The following KIAA1671 variants were observed in gnomAD, a reference collection of about 807,000 sequenced individuals.
KIAA1671 encodes the protein KIAA1671.
In KIAA1671, 52 loss-of-function variants were observed where a neutral mutation model predicts 131.2. The observed-to-expected ratio is 0.40, with a 90% CI of 0.32 to 0.50. The LOEUF (loss-of-function observed/expected upper bound fraction) is 0.50, where lower values mean the gene tolerates loss of function less well. Ranked by LOEUF, KIAA1671 falls within the 20% of genes least tolerant of loss-of-function variation. KIAA1671 has a pLI of 0.73. For synonymous variants in KIAA1671, 1,003 were observed against 961.6 expected (o/e 1.04, Z -0.80); for missense variants, 2,360 against 2,364.2 (o/e 1.00, Z 0.04).
intron 1 of KIAA1671, among the ~76,000 whole-genome samples, chr22:25,020,475 T>G (rs1925605393): frequency 1.3e-5 from 2 of 152,202 alleles, no homozygotes; most frequent in South Asian, 4.1e-4. Flanking sequence ...TCAGGTGTTT[T>G]TTGCACACCG....
At chr22:25,068,920 C>T (rs1246471321) in intron 6 of KIAA1671, among the ~76,000 whole-genome samples, 1 of 152,172 alleles carries the variant, frequency 6.6e-6, no homozygotes, top group East Asian at 1.9e-4. Context: ...CTGTGAACAC[C>T]TCCCCCGCCT....
chr22:25,175,507 G>A (rs549068260), intron 8 of KIAA1671: 1 of 152,316 alleles, frequency 6.6e-6, no homozygotes, highest in East Asian at 1.9e-4. Flanking sequence ...TCTTGATTGG[G>A]GAACCCCATT....
intron 10 of KIAA1671, among the ~76,000 whole-genome samples, 163 bp downstream of exon 10, chr22:25,181,986 G>A (rs1021782710): frequency 2.0e-5 from 3 of 152,074 alleles, no homozygotes; most frequent in African/African-American, 7.2e-5. Flanking sequence ...GACCATCCTG[G>A]ATAACATGGT....
intron 6 of KIAA1671, among the ~76,000 whole-genome samples, chr22:25,093,806 C>CTT (rs1930226986): frequency 7.8e-6 from 1 of 128,526 alleles, no homozygotes; most frequent in Non-Finnish European, 1.6e-5. Flanking sequence ...CTCTCTCTCT[C>CTT]TCTCTGTCTC....
intron 6 of KIAA1671, among the ~76,000 whole-genome samples, chr22:25,109,022 G>A (rs1454471283): frequency 6.6e-6 from 1 of 152,138 alleles, no homozygotes; most frequent in Non-Finnish European, 1.5e-5. Context: ...TCACAACATG[G>A]CGGCTGGCTT....
intron 7 of KIAA1671, among the ~76,000 whole-genome samples, chr22:25,171,424 ATTATGGGTCAGCCACAGTG>A (rs1933844648): frequency 6.6e-6 from 1 of 151,586 alleles, no homozygotes; most frequent in South Asian, 2.1e-4. Context: ...ACAAAAAAAG[ATTATGGGTCAGCCACAGTG>A]GCTCACACCT....
intron 1 of KIAA1671, among the ~76,000 whole-genome samples, chr22:24,993,602 T>A (rs144437450): frequency 1.3e-5 from 2 of 152,334 alleles, no homozygotes; most frequent in African/African-American, 4.8e-5. Context: ...CACATGCTAC[T>A]GTCTTTGTCT....
chr22:24,994,832 T>G (rs1301835152), intron 1 of KIAA1671, among the ~76,000 whole-genome samples: 1 of 152,120 alleles, frequency 6.6e-6, no homozygotes, highest in Non-Finnish European at 1.5e-5. Flanking sequence ...AGAGCTGTTG[T>G]ATCCTGAGCA....
At chr22:24,994,539 T>C (rs1051963568) in intron 1 of KIAA1671, among the ~76,000 whole-genome samples, 3 of 152,136 alleles carry the variant, frequency 2.0e-5, no homozygotes, top group African/African-American at 7.2e-5. Flanking sequence ...CAACAGTGTT[T>C]GGTATGACAG....
At chr22:25,113,246 ACCTCC>A (rs1931469046) in intron 6 of KIAA1671, among the ~76,000 whole-genome samples, 1 of 151,806 alleles carries the variant, frequency 6.6e-6, no homozygotes, top group African/African-American at 2.4e-5. Context: ...CCAGGCTCTG[ACCTCC>A]CCATTCACGG....
intron 6 of KIAA1671, among the ~76,000 whole-genome samples, chr22:25,090,961 C>T (rs1261058888): frequency 6.6e-6 from 1 of 152,194 alleles, no homozygotes; most frequent in Non-Finnish European, 1.5e-5. Context: ...TGGTTCACTG[C>T]TGTATCCCTG....
chr22:25,059,542 G>A (rs1928041540), intron 6 of KIAA1671: 2 of 152,368 alleles, frequency 1.3e-5, no homozygotes, highest in African/African-American at 2.4e-5. Flanking sequence ...GCCGAGGAAG[G>A]GAAACAGACA....
rs189192810 is a variant in KIAA1671 at position 25,074,078 on chromosome 22, G to A, written c.4530+24714G>A. Among the ~76,000 whole-genome samples, 18 of 152,062 alleles carry A rather than the reference G, an allele frequency of 1.2e-4. No homozygotes were observed. In the South Asian group the frequency reaches 3.5e-3, roughly 30 times the overall value. On this transcript the variant is annotated intron_variant, in intron 6 of 12. Coordinates refer to ENST00000358431, the MANE Select transcript of KIAA1671 (RefSeq NM_001145206.2). ...TGTAGTATTTTGTCTTTCTGTGCCCGGCTTATTTCACTTAGGTCTTCCAGG... is the reference window on the plus strand; with the variant it reads ...TGTAGTATTTTGTCTTTCTGTGCCCAGCTTATTTCACTTAGGTCTTCCAGG...
intron 6 of KIAA1671, among the ~76,000 whole-genome samples, chr22:25,069,288 A>G (rs1928679254): frequency 6.6e-6 from 1 of 152,160 alleles, no homozygotes; most frequent in African/African-American, 2.4e-5. Flanking sequence ...CATTTTACAG[A>G]AGGGGTAACT....
At chr22:24,988,418 A>ATTTATGTTTGG (rs1369096612) in intron 1 of KIAA1671, among the ~76,000 whole-genome samples, 4 of 152,104 alleles carry the variant, frequency 2.6e-5, no homozygotes, top group African/African-American at 9.7e-5. Flanking sequence ...TCCTTTGGGT[A>ATTTATGTTTGG]GAAAATCACT....
chr22:24,986,141 G>A (rs527538083), intron 1 of KIAA1671, among the ~76,000 whole-genome samples: 2 of 152,278 alleles, frequency 1.3e-5, no homozygotes, highest in East Asian at 1.9e-4. Flanking sequence ...GGAATGTCAA[G>A]GCCAGTCTGG....
intron 1 of KIAA1671, among the ~76,000 whole-genome samples, chr22:24,973,389 GTTTTTT>G (rs57519039): frequency 4.3e-4 from 31 of 71,688 alleles, no homozygotes; most frequent in African/African-American, 1.7e-3. Flanking sequence ...GCATATGATG[GTTTTTT>G]TTTTTTTTTT....
chr22:24,980,270 A>AT (rs59392276), intron 1 of KIAA1671, among the ~76,000 whole-genome samples: 2,971 of 119,178 alleles, frequency 0.025, 92 homozygotes, highest in East Asian at 0.064. Context: ...AGTTTCTTTG[A>AT]TTTTTTTTTT....
chr22:25,159,207 C>A lies in KIAA1671; in HGVS notation c.4531-11613C>A, dbSNP rs923062222. On this transcript the variant is annotated intron_variant, in intron 6 of 12. Coordinates refer to ENST00000358431, the MANE Select transcript of KIAA1671 (RefSeq NM_001145206.2). ...ACTCCCAGCCGGGAAACCAAATACG[C>A]CTCCTGCAGACCAGCTGCAAACTTG... Among the ~76,000 whole-genome samples the A allele has an allele frequency of 2.6e-5, 4 of 152,182 alleles. 1 individual carries two copies. The highest frequency in any genetic ancestry group is 6.5e-5 in the Admixed American group (1 of 15,276).
Sources: gnomAD v4.1 joint callset for allele counts (sites outside exome capture counted in the v4.1 genomes callset) on GRCh38, gnomAD v4.1.1 for gene constraint, MANE v1.5 for transcripts, NCBI Gene and HGNC (gene_info 2026-07-23, HGNC 2026-07-21) for gene names.